RASAL2: variants seen among roughly 807,000 people sequenced by gnomAD.
RASAL2 encodes the protein ras GTPase-activating protein nGAP.
In RASAL2, 58 loss-of-function variants were observed where a neutral mutation model predicts 128.9. That is an observed-to-expected ratio of 0.45 (90% CI 0.36 to 0.56). RASAL2 has a LOEUF of 0.56. Ranked by LOEUF, RASAL2 falls within the 20% of genes least tolerant of loss-of-function variation. RASAL2 has a pLI of 0.00. For missense variants in RASAL2, 1,360 were observed against 1,601.6 expected (o/e 0.85, Z 2.57); for synonymous variants, 561 against 580.8 (o/e 0.97, Z 0.49).
At position 178,465,994 on chromosome 1, in the gene RASAL2, C is replaced by A. The variant is rs748169445; in HGVS notation, c.3462C>A (p.Arg1154=). The change falls in exon 16 of 18, where the codon CGC becomes CGA. Residue 1154 remains arginine, a synonymous_variant. Transcript: ENST00000367649. ...GGCGACTGGAGGAATATGAACGCCGCTTGCTGGTGCAGGAGCAGCAGATGC... is the reference window on the plus strand; with the variant it reads ...GGCGACTGGAGGAATATGAACGCCGATTGCTGGTGCAGGAGCAGCAGATGC... The part of the protein sequence containing the change: ...SSRRLEEYER[R]LLVQEQQMQK... The A allele has an allele frequency of 6.4e-7, 1 of 1,561,232 alleles. No homozygotes were observed. The highest frequency in any genetic ancestry group is 8.7e-7 in the Non-Finnish European group (1 of 1,151,622).
intron 12 of RASAL2, among the ~76,000 whole-genome samples, chr1:178,455,881 A>G (rs1677734980): frequency 6.6e-6 from 1 of 152,250 alleles, no homozygotes; most frequent in Non-Finnish European, 1.5e-5. Context: ...GGATAAAGCA[A>G]GTATTAAAGA....
At chr1:178,238,602 G>A (rs917318342) in intron 1 of RASAL2, among the ~76,000 whole-genome samples, 6 of 151,410 alleles carry the variant, frequency 4.0e-5, no homozygotes, top group African/African-American at 7.3e-5. Flanking sequence ...GTGTATGTGT[G>A]TATATACACA....
intron 1 of RASAL2, among the ~76,000 whole-genome samples, chr1:178,114,542 G>C (rs926024608): frequency 1.3e-5 from 2 of 149,240 alleles, no homozygotes; most frequent in African/African-American, 4.9e-5. Flanking sequence ...TTTTCTTTGA[G>C]ATGGAGTCTC....
At chr1:178,236,314 T>G (rs940687962) in intron 1 of RASAL2, among the ~76,000 whole-genome samples, 1 of 152,286 alleles carries the variant, frequency 6.6e-6, no homozygotes, top group Middle Eastern at 3.4e-3. Context: ...ATGGTCCTCG[T>G]AGAGGTATGA....
At chr1:178,365,346 A>C (rs576709284) in intron 3 of RASAL2, among the ~76,000 whole-genome samples, 10 of 152,280 alleles carry the variant, frequency 6.6e-5, no homozygotes, top group Middle Eastern at 3.4e-3. Flanking sequence ...TATTTACTTT[A>C]AGCTTCTTTG....
chr1:178,243,775 A>AT (rs1437396135), intron 1 of RASAL2, among the ~76,000 whole-genome samples: 1 of 151,670 alleles, frequency 6.6e-6, no homozygotes, highest in Admixed American at 6.6e-5. Context: ...CAAATCAGCC[A>AT]TTTTTCTTTT....
At chr1:178,266,719 C>T (rs1665970418) in intron 1 of RASAL2, among the ~76,000 whole-genome samples, 1 of 152,160 alleles carries the variant, frequency 6.6e-6, no homozygotes, top group Admixed American at 6.5e-5. Flanking sequence ...TATGAAGAGG[C>T]TGGAAGAGGC....
At position 178,390,206 on chromosome 1, in the gene RASAL2, A is replaced by G. The variant is rs764742724; in HGVS notation, c.564A>G (p.Pro188=). Residue 188 remains proline (P), a splice_region_variant and synonymous_variant, in exon 4 of 18, where the codon CCA becomes CCG. Transcript: ENST00000367649. ...CAAATACCTCACCCTTCAAAGTACCAGTAAGTGTTTATCTTCTTTATAAGA... is the reference window on the plus strand; with the variant it reads ...CAAATACCTCACCCTTCAAAGTACCGGTAAGTGTTTATCTTCTTTATAAGA... ...DTANTSPFKV[P]GFFSKRLKGS... 7 of 1,594,590 alleles carry G rather than the reference A, an allele frequency of 4.4e-6. No homozygotes were observed. The highest frequency in any genetic ancestry group is 6.0e-6 in the Non-Finnish European group (7 of 1,164,248).
chr1:178,372,907 C>G (rs1315949098), intron 3 of RASAL2, among the ~76,000 whole-genome samples: 1 of 152,030 alleles, frequency 6.6e-6, no homozygotes, highest in Non-Finnish European at 1.5e-5. Flanking sequence ...ATATAATAAA[C>G]AAATTATTAG....
chr1:178,344,805 T>A lies in RASAL2; in HGVS notation c.457+44687T>A, dbSNP rs561576111. Among the ~76,000 whole-genome samples, 4 of 152,306 alleles carry A rather than the reference T, an allele frequency of 2.6e-5. No individual in the cohort carries two copies. In the South Asian group the frequency reaches 8.3e-4, roughly 32 times the overall value. ...GCAGAATCAGAAGCAAAAATTTTTG[T>A]CCTGTTGTTCCTAGTGGACAATGAT... On this transcript the variant is annotated intron_variant, in intron 3 of 17. Coordinates refer to ENST00000367649, the MANE Select transcript of RASAL2 (RefSeq NM_170692.4).
intron 1 of RASAL2, among the ~76,000 whole-genome samples, chr1:178,268,761 C>T (rs557700842): frequency 6.6e-6 from 1 of 152,248 alleles, no homozygotes; most frequent in South Asian, 2.1e-4. Flanking sequence ...TCCTGGCTTC[C>T]TTCAATAGTT....
intron 3 of RASAL2, among the ~76,000 whole-genome samples, chr1:178,376,160 G>A (rs1357988468): frequency 1.3e-5 from 2 of 152,116 alleles, no homozygotes; most frequent in African/African-American, 4.8e-5. Flanking sequence ...GTGGTCAGTA[G>A]TGTCAGTGGC....
intron 1 of RASAL2, among the ~76,000 whole-genome samples, chr1:178,188,512 G>A (rs1408953855): frequency 2.0e-5 from 3 of 152,130 alleles, no homozygotes; most frequent in South Asian, 4.2e-4. Context: ...GTTCAGTATC[G>A]GTCACTTGGT....
chr1:178,447,745 A>G (rs756117974), intron 9 of RASAL2, among the ~76,000 whole-genome samples: 2 of 151,172 alleles, frequency 1.3e-5, no homozygotes, highest in African/African-American at 4.9e-5. Context: ...GACTGTAATC[A>G]TGCAAGTAAG....
intron 1 of RASAL2, among the ~76,000 whole-genome samples, chr1:178,146,328 T>G (rs1422436886): frequency 6.6e-6 from 1 of 152,244 alleles, no homozygotes; most frequent in Non-Finnish European, 1.5e-5. Flanking sequence ...GATTTTGAGT[T>G]TATCCTTTGC....
intron 3 of RASAL2, among the ~76,000 whole-genome samples, chr1:178,360,672 C>T (rs1334578618): frequency 1.3e-5 from 2 of 152,178 alleles, no homozygotes; most frequent in Non-Finnish European, 2.9e-5. Context: ...AACAAAGAAC[C>T]ACTGACTGGG....
At chr1:178,408,204 A>T (rs1674111240) in intron 4 of RASAL2, among the ~76,000 whole-genome samples, 2 of 152,212 alleles carry the variant, frequency 1.3e-5, no homozygotes. Context: ...ATAGAGTAGG[A>T]TTTGTTTTGA....
chr1:178,432,979 G>A (rs570400656), intron 5 of RASAL2, among the ~76,000 whole-genome samples: 2 of 151,914 alleles, frequency 1.3e-5, no homozygotes, highest in African/African-American at 2.4e-5. Flanking sequence ...AAAGCCTTCC[G>A]ATGTACATCT....
chr1:178,454,354 TA>T lies in RASAL2; in HGVS notation c.2010-85del, dbSNP rs897032074. Reference sequence around the variant, plus strand: ...AAAATTAGTCATTCCCTCCACAAAATAAAAAAAAGTAATAGTTCTGTGTAAT... The same window carrying T: ...AAAATTAGTCATTCCCTCCACAAAATAAAAAAAGTAATAGTTCTGTGTAAT... On this transcript the variant is annotated intron_variant, in intron 11 of 17. Coordinates refer to ENST00000367649, the MANE Select transcript of RASAL2 (RefSeq NM_170692.4). The T allele has an allele frequency of 1.3e-4, 131 of 1,043,822 alleles. 1 individual carries two copies. Among genetic ancestry groups the T allele is most frequent in the South Asian group, 2.3e-4 (15 of 63,940 alleles). The allele number at this position is 1,043,822 out of a possible 1,614,324, so 64.7% of individuals were successfully genotyped here.
Sources: gnomAD v4.1 joint callset for allele counts (sites outside exome capture counted in the v4.1 genomes callset) on GRCh38, gnomAD v4.1.1 for gene constraint, MANE v1.5 for transcripts, NCBI Gene and HGNC (gene_info 2026-07-23, HGNC 2026-07-21) for gene names.